The following UBIAD1 variants were observed in gnomAD, a reference collection of about 807,000 sequenced individuals.
The protein encoded by UBIAD1 is ubiA prenyltransferase domain-containing protein 1.
Under a neutral mutation model 20.1 loss-of-function variants are expected in UBIAD1, and 12 were observed. That is an observed-to-expected ratio of 0.60 (90% CI 0.38 to 0.97). UBIAD1 has a LOEUF of 0.97. UBIAD1 is among the 50% of genes least tolerant of loss of function. The pLI, the probability that UBIAD1 is intolerant of heterozygous loss-of-function variation, is 0.00. For synonymous variants in UBIAD1, 207 were observed against 189.2 expected, an observed-to-expected ratio of 1.09 and a Z score of -0.77; for missense variants, 333 against 419.5, an observed-to-expected ratio of 0.79 and a Z score of 1.80.
chr1:11,289,087 T>C (rs559344408), downstream of UBIAD1, among the ~76,000 whole-genome samples: 1 of 152,300 alleles, frequency 6.6e-6, no homozygotes, highest in East Asian at 1.9e-4. Context: ...GGGTTTCAGC[T>C]AGGCATTGGA....
intron 1 of UBIAD1, among the ~76,000 whole-genome samples, chr1:11,274,685 C>G (rs1651939237): frequency 1.3e-5 from 2 of 152,052 alleles, no homozygotes; most frequent in Admixed American, 6.6e-5. Flanking sequence ...TCTCGGCTTA[C>G]TGCAACCTCT....
At position 11,285,609 on chromosome 1, in the gene UBIAD1, G is replaced by A. The variant is rs764520368; in HGVS notation, c.530-35G>A. 10 of 1,613,736 alleles carry A rather than the reference G, an allele frequency of 6.2e-6. No homozygotes were observed. The highest frequency in any genetic ancestry group is 7.6e-6 in the Non-Finnish European group (9 of 1,180,028). ...AACAGTCCCTAAATTTCCAGCCTTG[G>A]TCTCACACCAACTCTCTGGATTTTC... On this transcript the variant is annotated intron_variant, in intron 1 of 1. Transcript: ENST00000376810. The surrounding 1 kb of genome is among the most constrained non-coding windows in gnomAD (Gnocchi z 4.4).
At chr1:11,292,055 G>C (rs1181573125), downstream of UBIAD1, 1 of 151,742 alleles carries the variant, frequency 6.6e-6, no homozygotes, top group East Asian at 1.9e-4. Context: ...CCAGGCTGGA[G>C]TGCAATGGTG....
At chr1:11,283,188 C>T (rs2101021110) in intron 1 of UBIAD1, among the ~76,000 whole-genome samples, 1 of 152,220 alleles carries the variant, frequency 6.6e-6, no homozygotes, top group African/African-American at 2.4e-5. Flanking sequence ...GCCGAGTGAT[C>T]TAAGGAGGTG....
At chr1:11,282,027 AT>A (rs1652257978) in intron 1 of UBIAD1, among the ~76,000 whole-genome samples, 1 of 151,960 alleles carries the variant, frequency 6.6e-6, no homozygotes, top group Admixed American at 6.6e-5. Flanking sequence ...TTGCTTCCAT[AT>A]TTTGGCTATT....
chr1:11,284,485 G>C (rs1375117229), intron 1 of UBIAD1, among the ~76,000 whole-genome samples: 1 of 152,066 alleles, frequency 6.6e-6, no homozygotes, highest in Non-Finnish European at 1.5e-5. Flanking sequence ...ATTTTTTTGA[G>C]ACAGAGTCTT....
rs151196954 is a variant in UBIAD1, at chr1:11,285,558, G to C, written c.530-86G>C. The C allele has an allele frequency of 1.4e-5, 23 of 1,596,366 alleles. No individual in the cohort carries two copies. The African/African-American group carries it at 2.8e-4, about 19-fold the overall frequency. On this transcript the variant is annotated intron_variant, in intron 1 of 1. Coordinates refer to ENST00000376810, the MANE Select transcript of UBIAD1 (RefSeq NM_013319.3). This position sits in a 1 kb window ranked among gnomAD's most constrained non-coding sequence, Gnocchi z 4.4. Reference sequence around the variant, plus strand: ...GTCTAAGGATTTACCATTTTCAGCCGGAAGTGGCCTGCCTCTTCACTGGTG... The same window carrying C: ...GTCTAAGGATTTACCATTTTCAGCCCGAAGTGGCCTGCCTCTTCACTGGTG...
intron 1 of UBIAD1, among the ~76,000 whole-genome samples, chr1:11,278,264 T>C (rs1380400660): frequency 6.6e-6 from 1 of 152,134 alleles, no homozygotes; most frequent in Non-Finnish European, 1.5e-5. Context: ...AGCCCTGTTT[T>C]CTTTATTGAG....
downstream of UBIAD1, among the ~76,000 whole-genome samples, chr1:11,288,917 A>G (rs1198431929): frequency 6.6e-6 from 1 of 152,144 alleles, no homozygotes; most frequent in Admixed American, 6.5e-5. Context: ...GTCTCAAAAA[A>G]AAAAACAAAA....
chr1:11,273,489 C>G lies in UBIAD1; in HGVS notation c.-43C>G. ...TCCTCCTTCCCGGGCGGTCACTGTG[C>G]GTGGCTCACTTTTAGAGTTTACTTC... On this transcript the variant is annotated 5_prime_UTR_variant, in exon 1 of 2. Transcript: ENST00000376810. This position sits in a 1 kb window ranked among gnomAD's most constrained non-coding sequence, Gnocchi z 4.9. The G allele has an allele frequency of 6.2e-7, 1 of 1,608,764 alleles. No homozygotes were observed.
chr1:11,286,237 G>C lies in UBIAD1; in HGVS notation c.*106G>C. The C allele has an allele frequency of 7.0e-7, 1 of 1,425,042 alleles. No individual in the cohort carries two copies. The highest frequency in any genetic ancestry group is 9.8e-7 in the Non-Finnish European group (1 of 1,020,552). The allele number at this position is 1,425,042 out of a possible 1,614,324, so 88.3% of individuals were successfully genotyped here. On this transcript the variant is annotated 3_prime_UTR_variant, in exon 2 of 2. Coordinates refer to ENST00000376810, the MANE Select transcript of UBIAD1 (RefSeq NM_013319.3). Reference sequence around the variant, plus strand: ...TTTGGCAGTCAGGGTACTAAGCATGGGTGGGAACTCCTGCCTTATAAAAAT... The same window carrying C: ...TTTGGCAGTCAGGGTACTAAGCATGCGTGGGAACTCCTGCCTTATAAAAAT...
intron 1 of UBIAD1, among the ~76,000 whole-genome samples, chr1:11,294,352 T>A (rs1242821835): frequency 2.0e-5 from 3 of 152,194 alleles, no homozygotes; most frequent in Non-Finnish European, 4.4e-5. Flanking sequence ...TCTCATTATG[T>A]TGGCCAGGCT....
Position 11,274,028 on chromosome 1 carries a change from G to C in UBIAD1, c.497G>C (p.Gly166Ala), listed in dbSNP as rs775733148. 3 of 1,614,070 alleles carry C rather than the reference G, an allele frequency of 1.9e-6. No individual in the cohort carries two copies. In the South Asian group the frequency reaches 3.3e-5, roughly 18 times the overall value. ...GAGCACTTGGCTCTTATCTACTTTG[G>C]AGGCCTGTCTGGCTCCTTTCTCTAC... is the stretch of plus-strand genomic sequence containing the variant. ...KLEHLALIYF[G>A]GLSGSFLYTG... Residue 166 changes from glycine to alanine, a missense_variant, in exon 1 of 2, where the codon GGA (glycine) becomes GCA (alanine). Coordinates refer to ENST00000376810, the MANE Select transcript of UBIAD1 (RefSeq NM_013319.3).
At chr1:11,297,757 T>C (rs1638470473), downstream of UBIAD1, among the ~76,000 whole-genome samples, 2 of 151,944 alleles carry the variant, frequency 1.3e-5, no homozygotes, top group African/African-American at 4.9e-5. Flanking sequence ...GAAGAAGTCC[T>C]GGATGGAGAG....
intron 1 of UBIAD1, among the ~76,000 whole-genome samples, chr1:11,284,497 C>G (rs753565712): frequency 1.3e-5 from 2 of 152,102 alleles, no homozygotes; most frequent in Non-Finnish European, 2.9e-5. Flanking sequence ...CAGAGTCTTG[C>G]TCTGTCTGCC....
exon 2 of UBIAD1, chr1:11,295,085 T>A (rs1638426379): frequency 4.8e-6 from 3 of 624,022 alleles, no homozygotes; most frequent in Non-Finnish European, 8.7e-6. Flanking sequence ...GATACTCAAC[T>A]CTTCGGGTTC....
intron 1 of UBIAD1, among the ~76,000 whole-genome samples, chr1:11,282,197 C>T (rs768588498): frequency 9.2e-5 from 14 of 152,198 alleles, no homozygotes; most frequent in Non-Finnish European, 2.1e-4. Context: ...CTTCTTTACA[C>T]TCCCCCCAGC....
Position 11,286,150 on chromosome 1 carries a change from C to G in UBIAD1, c.*19C>G. 6.2e-7 allele frequency: 1 copy of G among 1,614,094 alleles called. No homozygotes were observed. The highest frequency in any genetic ancestry group is 1.3e-5 in the African/African-American group (1 of 75,034). On this transcript the variant is annotated 3_prime_UTR_variant, in exon 2 of 2. Transcript: ENST00000376810. ...AATTTAAGGGGACAAGTAGCTCCCC[C>G]CACGACATGTCTCCCTTTCTTAGAA...
At chr1:11,297,374 C>A (rs1164337219), downstream of UBIAD1, among the ~76,000 whole-genome samples, 2 of 152,214 alleles carry the variant, frequency 1.3e-5, no homozygotes, top group African/African-American at 4.8e-5. Flanking sequence ...CTTCACCAAA[C>A]CAAATCTGCC....
Sources: allele counts gnomAD v4.1 joint callset (sites outside exome capture counted in the v4.1 genomes callset), GRCh38; gene constraint gnomAD v4.1.1; non-coding constraint Gnocchi (gnomAD v3.1); transcripts MANE v1.5; gene names NCBI Gene and HGNC (gene_info 2026-07-23, HGNC 2026-07-21).